The following ADIG variants were observed in gnomAD, a reference collection of about 807,000 sequenced individuals.
ADIG encodes the protein adipogenin.
Under a neutral mutation model 10.7 loss-of-function variants are expected in ADIG, and 12 were observed. The observed-to-expected ratio is 1.12, with a 90% CI of 0.72 to 1.82. The LOEUF (loss-of-function observed/expected upper bound fraction) is 1.82. Among genes scored for constraint, ADIG ranks in the 40% most tolerant of loss-of-function variants. ADIG has a pLI of 0.00. For missense variants in ADIG, 72 were observed against 92.5 expected (o/e 0.78, Z 0.91); for synonymous variants, 32 against 35.6 (o/e 0.90, Z 0.36).
At chr20:38,584,080 C>T (rs181543711) in intron 1 of ADIG, among the ~76,000 whole-genome samples, 2 of 152,246 alleles carry the variant, frequency 1.3e-5, no homozygotes, top group East Asian at 3.9e-4. Context: ...CGCCTCCTCC[C>T]CACCACCCCC....
Position 38,583,841 on chromosome 20 carries a change from C to T in ADIG, c.125-2188C>T, listed in dbSNP as rs565716932. Reference sequence around the variant, plus strand: ...TGTTAATTTTGCAACGAAGAGAAACCGTCCTTAAAGTGAGGTGGGCATTCC... The same window carrying T: ...TGTTAATTTTGCAACGAAGAGAAACTGTCCTTAAAGTGAGGTGGGCATTCC... On this transcript the variant is annotated intron_variant, in intron 1 of 2. Coordinates refer to ENST00000537425, the MANE Select transcript of ADIG (RefSeq NM_001393816.1). 1.3e-3 allele frequency among the ~76,000 whole-genome samples: 195 copies of T among 152,300 alleles called. 1 individual carries two copies. Among genetic ancestry groups the T allele is most frequent in the Non-Finnish European group, 2.0e-3 (134 of 68,022 alleles).
At chr20:38,585,509 G>C in intron 1 of ADIG, 1 of 1,550,596 alleles carries the variant, frequency 6.4e-7, no homozygotes, top group Non-Finnish European at 8.7e-7. Context: ...CAGACGGAGG[G>C]TCCGGGTCTC....
At position 38,583,641 on chromosome 20, in the gene ADIG, G is replaced by C. The variant is rs1276335059; in HGVS notation, c.124+2267G>C. On this transcript the variant is annotated intron_variant, in intron 1 of 2. Transcript: ENST00000537425. Reference sequence around the variant, plus strand: ...CTTTGGATGCCTTCTCCAGAGAGGAGACATTTCTCCTACCACCCAGGCCAA... The same window carrying C: ...CTTTGGATGCCTTCTCCAGAGAGGACACATTTCTCCTACCACCCAGGCCAA... 2.0e-5 allele frequency among the ~76,000 whole-genome samples: 3 copies of C among 152,320 alleles called. No homozygotes were observed. In the East Asian group the frequency reaches 5.8e-4, roughly 29 times the overall value.
Position 38,588,229 on chromosome 20 carries a change from A to C in ADIG, c.*143A>C. ...AACCCCCAACTCATCTCCTCTTCAG[A>C]CCGACATGTGAAAGCCTCCAGAGGT... On this transcript the variant is annotated 3_prime_UTR_variant, in exon 3 of 3. Coordinates refer to ENST00000537425, the MANE Select transcript of ADIG (RefSeq NM_001393816.1). 1 of 1,304,500 alleles carries C rather than the reference A, an allele frequency of 7.7e-7. No individual in the cohort carries two copies. The highest frequency in any genetic ancestry group is 1.0e-6 in the Non-Finnish European group (1 of 988,956). 80.8% of individuals were successfully genotyped at this position (1,304,500 alleles called of 1,614,324 possible).
rs1429866503 is a variant in ADIG, at chr20:38,586,031, T to G, written c.127T>G (p.Ser43Ala). 2 of 1,604,960 alleles carry G rather than the reference T, an allele frequency of 1.2e-6. No homozygotes were observed. Among genetic ancestry groups the G allele is most frequent in the East Asian group, 2.2e-5 (1 of 44,584 alleles). ...IWLRFLLSQD[S>A]EENDSSVCLD... The stretch of plus-strand genomic sequence containing the variant: ...GGCCTTGCCTCGTATCTCCACAGAT[T>G]CAGAGGAAAATGACTCCAGTGTGTG... Residue 43 changes from serine to alanine, a missense_variant and splice_region_variant, in exon 2 of 3, where the codon TCA becomes GCA. Physicochemically the swap from Ser to Ala is moderately conservative, Grantham distance 99. Transcript: ENST00000537425.
intron 1 of ADIG, among the ~76,000 whole-genome samples, 169 bp from the exon 2 acceptor site, chr20:38,585,860 G>T (rs1221291339): frequency 6.6e-6 from 1 of 152,208 alleles, no homozygotes; most frequent in African/African-American, 2.4e-5. Flanking sequence ...CACCCTTTAA[G>T]GCCCTGAAGT....
chr20:38,584,123 A>G (rs2088613076), intron 1 of ADIG, among the ~76,000 whole-genome samples: 1 of 151,848 alleles, frequency 6.6e-6, no homozygotes, highest in Non-Finnish European at 1.5e-5. Flanking sequence ...GGGCAGTTTC[A>G]GGCCTCAGAA....
intron 2 of ADIG, 108 bp from the exon 3 acceptor site, chr20:38,587,992 CT>C: frequency 8.4e-7 from 1 of 1,190,394 alleles, no homozygotes; most frequent in South Asian, 1.6e-5. Flanking sequence ...CCTGCCTCGG[CT>C]TCCCAAAGTG....
In ADIG at chr20:38,588,004, C is replaced by T; in HGVS notation, c.*15-97C>T. The T allele has an allele frequency of 8.3e-6, 10 of 1,203,914 alleles. No homozygotes were observed. The Middle Eastern group carries it at 9.0e-4, about 109-fold the overall frequency. 74.6% of individuals were successfully genotyped at this position (1,203,914 alleles called of 1,614,324 possible). A position where few individuals can be genotyped will look rare whatever the true frequency, so the allele number is the denominator to read the frequency against. Reference sequence around the variant, plus strand: ...CCACCTGCCTCGGCTTCCCAAAGTGCTGGGATTACAGGCATGAACCACCAC... The same window carrying T: ...CCACCTGCCTCGGCTTCCCAAAGTGTTGGGATTACAGGCATGAACCACCAC... On this transcript the variant is annotated intron_variant, in intron 2 of 2. Transcript: ENST00000537425.
Position 38,586,028 on chromosome 20 carries a change from G to A in ADIG, c.125-1G>A. On this transcript the variant is annotated splice_acceptor_variant, in intron 1 of 2. Coordinates refer to ENST00000537425, the MANE Select transcript of ADIG (RefSeq NM_001393816.1). LOFTEE classifies it high-confidence loss of function. ...AGAGGCCTTGCCTCGTATCTCCACAGATTCAGAGGAAAATGACTCCAGTGT... is the reference window on the plus strand; with the variant it reads ...AGAGGCCTTGCCTCGTATCTCCACAAATTCAGAGGAAAATGACTCCAGTGT... 6.2e-7 allele frequency: 1 copy of A among 1,603,440 alleles called. No homozygotes were observed. Among genetic ancestry groups the A allele is most frequent in the African/African-American group, 1.3e-5 (1 of 74,922 alleles).
chr20:38,583,521 A>G (rs1030906558), intron 1 of ADIG, among the ~76,000 whole-genome samples: 1 of 152,252 alleles, frequency 6.6e-6, no homozygotes, highest in East Asian at 1.9e-4. Context: ...CACAGTACGC[A>G]TACACACCTG....
At chr20:38,587,087 C>T (rs1386466747) in intron 2 of ADIG, among the ~76,000 whole-genome samples, 1 of 152,144 alleles carries the variant, frequency 6.6e-6, no homozygotes, top group African/African-American at 2.4e-5. Context: ...TCTTGATTCC[C>T]ATTGTCACCC....
chr20:38,581,258 A>G lies in ADIG; in HGVS notation c.8A>G (p.Tyr3Cys). Residue 3 changes from tyrosine to cysteine, a missense_variant, in exon 1 of 3, where the codon TAC (tyrosine) becomes TGC (cysteine). Coordinates refer to ENST00000537425, the MANE Select transcript of ADIG (RefSeq NM_001393816.1). ...CTTAGCCACACATGCGCCATGAAGT[A>G]CCCTTTGATGCCGCTGGTGAACGAC... MK[Y>C]PLMPLVNDLT... 1 of 1,611,956 alleles carries G rather than the reference A, an allele frequency of 6.2e-7. No homozygotes were observed. The highest frequency in any genetic ancestry group is 8.5e-7 in the Non-Finnish European group (1 of 1,179,102).
intron 1 of ADIG, among the ~76,000 whole-genome samples, chr20:38,584,370 G>C (rs1380577155): frequency 2.6e-5 from 4 of 152,190 alleles, no homozygotes; most frequent in African/African-American, 9.6e-5. Flanking sequence ...CCCTGCTGCC[G>C]GCATTTTCCT....
intron 1 of ADIG, among the ~76,000 whole-genome samples, chr20:38,583,190 G>A (rs1471043547): frequency 3.3e-5 from 5 of 152,192 alleles, no homozygotes; most frequent in Non-Finnish European, 5.9e-5. Context: ...CAGACCTTGT[G>A]CTAAACACTG....
In ADIG at chr20:38,581,290, TTTTC is replaced by T. The variant is rs1263891381; in HGVS notation, c.45_48del (p.Phe16TrpfsTer15). On this transcript the variant is annotated frameshift_variant, in exon 1 of 3. Transcript: ENST00000537425. LOFTEE classifies it high-confidence loss of function. ...GATGCCGCTGGTGAACGACCTCACA[TTTTC>T]TTTCCTGGTTTTCTGGTTCTGCCTC... 4 of 1,613,854 alleles carry T rather than the reference TTTTC, an allele frequency of 2.5e-6. No individual in the cohort carries two copies. The highest frequency in any genetic ancestry group is 3.4e-6 in the Non-Finnish European group (4 of 1,179,866).
At chr20:38,585,320 G>T in intron 1 of ADIG, 1 of 1,154,920 alleles carries the variant, frequency 8.7e-7, no homozygotes, top group Non-Finnish European at 1.2e-6. Flanking sequence ...GAGTCTGTTA[G>T]CAAACTCATT....
rs770115469 is a variant in ADIG at position 38,581,390 on chromosome 20, C to G, written c.124+16C>G. ...CTTAGCCAAGGTGAGCTTCTTACCC[C>G]GTCCAGGCAGGACCCTAATCCTGGA... On this transcript the variant is annotated intron_variant, in intron 1 of 2. Transcript: ENST00000537425. 5 of 1,613,774 alleles carry G rather than the reference C, an allele frequency of 3.1e-6. No homozygotes were observed. The highest frequency in any genetic ancestry group is 2.2e-5 in the South Asian group (2 of 91,070).
intron 2 of ADIG, 128 bp from the exon 3 acceptor site, chr20:38,587,973 G>C: frequency 8.9e-7 from 1 of 1,119,102 alleles, no homozygotes. Flanking sequence ...CCTGACCTTA[G>C]ATGATCCACC....
Sources: allele counts gnomAD v4.1 joint callset (sites outside exome capture counted in the v4.1 genomes callset), GRCh38; gene constraint gnomAD v4.1.1; transcripts MANE v1.5; gene names NCBI Gene and HGNC (gene_info 2026-07-23, HGNC 2026-07-21).